ATXN1: variants seen among roughly 807,000 people sequenced by gnomAD.
ATXN1 encodes ataxin 1.
In ATXN1, 8 loss-of-function variants were observed where a neutral mutation model predicts 56.4. The ratio of observed to expected loss-of-function variants is 0.14; its 90% CI spans 0.08 to 0.26. The LOEUF (loss-of-function observed/expected upper bound fraction) is 0.26, where lower values mean the gene tolerates loss of function less well. Among genes scored for constraint, ATXN1 ranks in the 10% least tolerant of loss-of-function variants. The probability of loss-of-function intolerance (pLI) is 1.00; values close to 1 mark genes in which losing one functional copy is unlikely to be tolerated. For synonymous variants in ATXN1, 514 were observed against 494.6 expected (o/e 1.04, Z -0.52); for missense variants, 987 against 1,106.5 (o/e 0.89, Z 1.53).
chr6:16,365,731 G>A (rs1761903609), intron 6 of ATXN1, among the ~76,000 whole-genome samples: 1 of 152,204 alleles, frequency 6.6e-6, no homozygotes, highest in African/African-American at 2.4e-5. Context: ...AGTGTTTAGG[G>A]AGGACAATGG....
chr6:16,408,411 C>T (rs1412243901), intron 6 of ATXN1, among the ~76,000 whole-genome samples: 2 of 152,112 alleles, frequency 1.3e-5, no homozygotes, highest in East Asian at 3.9e-4. Flanking sequence ...ATTTCTATAT[C>T]CATTCCATTA....
intron 4 of ATXN1, among the ~76,000 whole-genome samples, chr6:16,524,469 T>C (rs1561739144): frequency 6.6e-6 from 1 of 152,240 alleles, no homozygotes; most frequent in Non-Finnish European, 1.5e-5. Flanking sequence ...GTACGAATTC[T>C]TGAGACCACG....
chr6:16,467,314 A>C (rs76190976), intron 6 of ATXN1, among the ~76,000 whole-genome samples: 1 of 152,376 alleles, frequency 6.6e-6, no homozygotes, highest in East Asian at 1.9e-4. Flanking sequence ...TTATGTATGA[A>C]GAGGATGCAG....
intron 6 of ATXN1, among the ~76,000 whole-genome samples, chr6:16,440,989 C>T (rs556917622): frequency 3.3e-5 from 5 of 152,218 alleles, no homozygotes; most frequent in East Asian, 3.9e-4. Context: ...TTTGGCACAA[C>T]GGGCTCCCAA....
chr6:16,754,492 T>C (rs1760827682), intron 1 of ATXN1: 1 of 152,194 alleles, frequency 6.6e-6, no homozygotes. Context: ...TATCCTTGGG[T>C]ACATGGCAAC....
chr6:16,340,003 G>C (rs999841066), intron 6 of ATXN1, among the ~76,000 whole-genome samples: 3 of 152,148 alleles, frequency 2.0e-5, no homozygotes, highest in African/African-American at 7.2e-5. Flanking sequence ...GGATGGTCTC[G>C]ATCTCTTGAC....
rs921734239 is a variant in ATXN1 at position 16,687,540 on chromosome 6, A to C, written c.-614-29639T>G. ...GAAAAAAAAAAACTTTAGAGAGATTAAACTCAGAGTTGTAGAAAAAGTTTA... is the reference window on the plus strand; with the variant it reads ...GAAAAAAAAAAACTTTAGAGAGATTCAACTCAGAGTTGTAGAAAAAGTTTA... On this transcript the variant is annotated intron_variant, in intron 2 of 7. Transcript: ENST00000436367. 3.3e-5 allele frequency among the ~76,000 whole-genome samples: 5 copies of C among 152,194 alleles called. No homozygotes were observed. In the South Asian group the frequency reaches 1.0e-3, roughly 32 times the overall value.
intron 6 of ATXN1, among the ~76,000 whole-genome samples, chr6:16,440,301 A>T (rs964206624): frequency 7.2e-5 from 11 of 152,112 alleles, no homozygotes; most frequent in Admixed American, 2.6e-4. Context: ...TTGATATTTC[A>T]AAAGAGCTAA....
intron 2 of ATXN1, among the ~76,000 whole-genome samples, chr6:16,668,955 C>T (rs1348584459): frequency 1.3e-5 from 2 of 151,978 alleles, no homozygotes. Context: ...GCAGGAAGCC[C>T]AGAATCCACC....
chr6:16,641,186 T>C (rs1397618408), intron 3 of ATXN1, among the ~76,000 whole-genome samples: 3 of 152,222 alleles, frequency 2.0e-5, no homozygotes, highest in South Asian at 2.1e-4. Flanking sequence ...CAAATGCTGA[T>C]GTAGAAGCTG....
chr6:16,383,612 C>T (rs1024856509), intron 6 of ATXN1, among the ~76,000 whole-genome samples: 12 of 152,288 alleles, frequency 7.9e-5, no homozygotes, highest in African/African-American at 2.2e-4. Context: ...ATGCTACTAA[C>T]GGCTTTGCCT....
chr6:16,391,160 T>TTA (rs1712163961), intron 6 of ATXN1, among the ~76,000 whole-genome samples: 1 of 52,684 alleles, frequency 1.9e-5, no homozygotes, highest in Non-Finnish European at 3.1e-5. Context: ...AGACTCCATC[T>TTA]CAAAAAAAAA....
At chr6:16,361,518 G>GATTATATGCTAATGTA (rs1375057029) in intron 6 of ATXN1, among the ~76,000 whole-genome samples, 22 of 151,980 alleles carry the variant, frequency 1.4e-4, no homozygotes, top group Non-Finnish European at 3.1e-4. Context: ...CAGTGTTTTG[G>GATTATATGCTAATGTA]GAATAAATGT....
chr6:16,716,135 A>T (rs534406234), intron 2 of ATXN1, among the ~76,000 whole-genome samples: 1 of 152,326 alleles, frequency 6.6e-6, no homozygotes, highest in Non-Finnish European at 1.5e-5. Context: ...TACAGATAAA[A>T]TGACATGCAT....
intron 3 of ATXN1, among the ~76,000 whole-genome samples, chr6:16,586,724 T>C (rs918601125): frequency 2.4e-4 from 36 of 152,164 alleles, no homozygotes; most frequent in Admixed American, 1.7e-3. Context: ...GTAGTTAGTA[T>C]TAAAACATAT....
chr6:16,658,864 C>T (rs909786), intron 2 of ATXN1, among the ~76,000 whole-genome samples: 105,805 of 152,112 alleles, frequency 0.7, 38,226 homozygotes, highest in African/African-American at 0.89. Flanking sequence ...TACTTGTAAC[C>T]CTAAACTCCA....
chr6:16,688,697 A>T (rs1407177757), intron 2 of ATXN1, among the ~76,000 whole-genome samples: 1 of 152,208 alleles, frequency 6.6e-6, no homozygotes, highest in East Asian at 1.9e-4. Flanking sequence ...TCCAGAAAAT[A>T]TTCTGGGTGA....
intron 2 of ATXN1, among the ~76,000 whole-genome samples, chr6:16,713,464 G>A (rs1190925363): frequency 6.6e-6 from 1 of 152,210 alleles, no homozygotes; most frequent in Non-Finnish European, 1.5e-5. Context: ...TGGGCTACTT[G>A]TGTGAAAACT....
chr6:16,519,069 T>C (rs1170160095), intron 5 of ATXN1, among the ~76,000 whole-genome samples: 1 of 152,144 alleles, frequency 6.6e-6, no homozygotes, highest in Non-Finnish European at 1.5e-5. Context: ...GGAGATGGAG[T>C]GAGAATATAA....
Sources: allele counts gnomAD v4.1 joint callset (sites outside exome capture counted in the v4.1 genomes callset), GRCh38; gene constraint gnomAD v4.1.1; transcripts MANE v1.5; gene names NCBI Gene and HGNC (gene_info 2026-07-23, HGNC 2026-07-21).